Variants in PLEKHA4 observed in about 807,000 individuals in gnomAD.
PLEKHA4 encodes the protein pleckstrin homology domain-containing family A member 4.
PLEKHA4 carries 73 observed loss-of-function variants against 94.7 expected under a neutral mutation model. The observed-to-expected ratio is 0.77, with a 90% CI of 0.64 to 0.94. The LOEUF is 0.94. Ranked by LOEUF, PLEKHA4 falls within the 40% of genes least tolerant of loss-of-function variation. PLEKHA4 has a pLI of 0.00. For missense variants in PLEKHA4, 1,049 were observed against 1,054.1 expected, an observed-to-expected ratio of 1.00 and a Z score of 0.07; for synonymous variants, 449 against 437.1, an observed-to-expected ratio of 1.03 and a Z score of -0.34.
chr19:48,844,692 A>G, intron 16 of PLEKHA4: 1 of 967,820 alleles, frequency 1.0e-6, no homozygotes, highest in Non-Finnish European at 1.2e-6. Context: ...CAGAGCACAG[A>G]GCTTCCACAG....
chr19:48,840,210 C>T (rs940308724), intron 17 of PLEKHA4, among the ~76,000 whole-genome samples: 3 of 151,830 alleles, frequency 2.0e-5, no homozygotes, highest in Non-Finnish European at 4.4e-5. Context: ...AGCTCAGGAG[C>T]TCGACACCAG....
chr19:48,845,840 G>A (rs1020783072), intron 14 of PLEKHA4, among the ~76,000 whole-genome samples: 5 of 151,168 alleles, frequency 3.3e-5, no homozygotes, highest in East Asian at 3.9e-4. Flanking sequence ...GTGAAAACCC[G>A]TCTCTACTAA....
In PLEKHA4 at chr19:48,861,403, T is replaced by C. The variant is rs1274299063; in HGVS notation, c.364A>G (p.Thr122Ala). Reference sequence around the variant, plus strand: ...ACAACATGGATGGATGGACTCACGGTGAAGGTGAAGCGCCGCCCTCGGGGG... The same window carrying C: ...ACAACATGGATGGATGGACTCACGGCGAAGGTGAAGCGCCGCCCTCGGGGG... The part of the protein sequence containing the change: ...GAPRGRRFTF[T>A]AEHPGMRTYV... Residue 122 changes from threonine to alanine, a missense_variant and splice_region_variant, in exon 5 of 20, where the codon ACC (threonine) becomes GCC (alanine). Physicochemically the swap from Thr to Ala is moderately conservative, Grantham distance 58 (BLOSUM62 0). Coordinates refer to ENST00000263265, the MANE Select transcript of PLEKHA4 (RefSeq NM_020904.3). The C allele has an allele frequency of 1.2e-6, 2 of 1,612,662 alleles. No homozygotes were observed. The highest frequency in any genetic ancestry group is 3.3e-5 in the Admixed American group (2 of 60,004).
At chr19:48,843,085 T>C (rs1197936794) in intron 16 of PLEKHA4, among the ~76,000 whole-genome samples, 1 of 152,114 alleles carries the variant, frequency 6.6e-6, no homozygotes, top group Non-Finnish European at 1.5e-5. Flanking sequence ...AAAAAGTGCC[T>C]CTCCTCTCTT....
chr19:48,860,984 A>G (rs2036617734), intron 5 of PLEKHA4, among the ~76,000 whole-genome samples: 1 of 152,196 alleles, frequency 6.6e-6, no homozygotes, highest in African/African-American at 2.4e-5. Flanking sequence ...AGGTAGGCGG[A>G]TCACCTGAGG....
At chr19:48,840,565 A>G (rs2035722490) in intron 17 of PLEKHA4, among the ~76,000 whole-genome samples, 1 of 151,548 alleles carries the variant, frequency 6.6e-6, no homozygotes, top group Non-Finnish European at 1.5e-5. Context: ...AGCTGGGATT[A>G]CAGACATGTG....
In PLEKHA4 at chr19:48,845,574, C is replaced by T. The variant is rs144775663; in HGVS notation, c.1609G>A (p.Glu537Lys). 376 of 1,610,150 alleles carry T rather than the reference C, an allele frequency of 2.3e-4. No homozygotes were observed. The African/African-American group carries it at 4.1e-3, about 17-fold the overall frequency. ...SLELSSPRSP[E>K]TDWGRPPGGD... ...CCAGGAGGCCGCCCCCAGTCAGTCTCGGGGGACCTAGGGGAGCTCAGTTCC... is the reference window on the plus strand; with the variant it reads ...CCAGGAGGCCGCCCCCAGTCAGTCTTGGGGGACCTAGGGGAGCTCAGTTCC... Residue 537 changes from glutamate to lysine, a missense_variant, in exon 15 of 20, where the codon GAG becomes AAG. Physicochemically the swap from Glu to Lys is moderately conservative, Grantham distance 56. Coordinates refer to ENST00000263265, the MANE Select transcript of PLEKHA4 (RefSeq NM_020904.3).
At chr19:48,845,084 C>A in intron 16 of PLEKHA4, 3 of 287,616 alleles carry the variant, frequency 1.0e-5, no homozygotes, top group Non-Finnish European at 2.0e-5. Flanking sequence ...CCGCGCCTGG[C>A]CTCATTCATC....
Position 48,859,699 on chromosome 19 carries a change from T to C in PLEKHA4, c.477-15A>G. On this transcript the variant is annotated splice_polypyrimidine_tract_variant and intron_variant, in intron 6 of 19. Coordinates refer to ENST00000263265, the MANE Select transcript of PLEKHA4 (RefSeq NM_020904.3). ...TGGGTTGCCCACTAGCGAGTGGACA[T>C]AGACAAGATATCACTCCTTCGAACT... 6 of 1,604,508 alleles carry C rather than the reference T, an allele frequency of 3.7e-6. No homozygotes were observed. Among genetic ancestry groups the C allele is most frequent in the African/African-American group, 1.3e-5 (1 of 74,888 alleles).
chr19:48,848,305 T>C (rs1249210704), intron 13 of PLEKHA4, among the ~76,000 whole-genome samples: 1 of 143,500 alleles, frequency 7.0e-6, no homozygotes, highest in Admixed American at 7.1e-5. Flanking sequence ...GCTAAAACGG[T>C]GAAACCCCGT....
intron 6 of PLEKHA4, chr19:48,859,903 C>A: frequency 1.7e-6 from 1 of 602,642 alleles, no homozygotes; most frequent in Non-Finnish European, 2.9e-6. Flanking sequence ...CCCAATGCCC[C>A]GGAATATGGG....
intron 8 of PLEKHA4, 150 bp downstream of exon 8, chr19:48,858,710 G>A: frequency 1.2e-6 from 1 of 863,260 alleles, no homozygotes; most frequent in Non-Finnish European, 1.8e-6. Flanking sequence ...CACCTGATAG[G>A]TTCAAGCTCT....
At chr19:48,866,869 C>T (rs1039839596) in intron 2 of PLEKHA4, among the ~76,000 whole-genome samples, 4 of 152,222 alleles carry the variant, frequency 2.6e-5, no homozygotes, top group Non-Finnish European at 5.9e-5. Flanking sequence ...CAACCAAGTA[C>T]AAGGAGAGGA....
In PLEKHA4 at chr19:48,838,159, G is replaced by A. The variant is rs568236978; in HGVS notation, c.1965-30C>T. Reference sequence around the variant, plus strand: ...AAAAAAAAAGAAGATTGGGGGTGGGGGTGTGTACATGGGGGAGAGGTGGGG... The same window carrying A: ...AAAAAAAAAGAAGATTGGGGGTGGGAGTGTGTACATGGGGGAGAGGTGGGG... On this transcript the variant is annotated intron_variant, in intron 18 of 19. Coordinates refer to ENST00000263265, the MANE Select transcript of PLEKHA4 (RefSeq NM_020904.3). The A allele has an allele frequency of 7.1e-6, 10 of 1,409,048 alleles. No individual in the cohort carries two copies. The African/African-American group carries it at 1.1e-4, about 16-fold the overall frequency. The allele number at this position is 1,409,048 out of a possible 1,614,324, so 87.3% of individuals were successfully genotyped here. A position where few individuals can be genotyped will look rare whatever the true frequency, so the allele number is the denominator to read the frequency against.
intron 3 of PLEKHA4, 52 bp from the exon 4 acceptor site, chr19:48,861,744 G>C: frequency 6.7e-7 from 1 of 1,503,190 alleles, no homozygotes; most frequent in Non-Finnish European, 9.2e-7. Flanking sequence ...CAGAAAAAGG[G>C]GATGAAGGCA....
chr19:48,859,624 A>G lies in PLEKHA4; in HGVS notation c.537T>C (p.Gly179=). 2 of 1,612,698 alleles carry G rather than the reference A, an allele frequency of 1.2e-6. No homozygotes were observed. The highest frequency in any genetic ancestry group is 1.7e-6 in the Non-Finnish European group (2 of 1,179,888). ...QPGEGPGGPG[G]PPEVSRGEEG... ...CTTCCCCTCTGCTCACCTCCGGGGG[A>G]CCACCGGGGCCGCCGGGGCCCTCCC... Residue 179 remains glycine, a synonymous_variant, in exon 7 of 20, where the codon GGT becomes GGC. Coordinates refer to ENST00000263265, the MANE Select transcript of PLEKHA4 (RefSeq NM_020904.3).
chr19:48,839,148 C>T, intron 18 of PLEKHA4, 57 bp downstream of exon 18: 5 of 1,366,788 alleles, frequency 3.7e-6, no homozygotes, highest in Non-Finnish European at 5.1e-6. Flanking sequence ...TGCTACTCCC[C>T]TTTGCTTTTG....
intron 14 of PLEKHA4, among the ~76,000 whole-genome samples, chr19:48,846,439 G>C (rs1480380532): frequency 6.6e-6 from 1 of 151,814 alleles, no homozygotes; most frequent in Non-Finnish European, 1.5e-5. Flanking sequence ...GCAACAGAGA[G>C]AGACTCCATC....
In PLEKHA4 at chr19:48,854,054, G is replaced by A; in HGVS notation, c.1129C>T (p.Leu377Phe). The change falls in exon 11 of 20, where the codon CTT (leucine) becomes TTT (phenylalanine). Residue 377 changes from leucine (L) to phenylalanine (F), a missense_variant. Physicochemically the swap from Leu to Phe is conservative, Grantham distance 22. Transcript: ENST00000263265. ...ATCTCCTCCTGCAGCCTCCGCAGAAGCCGGTCCTGCCCGCACAACTTGGTC... is the reference window on the plus strand; with the variant it reads ...ATCTCCTCCTGCAGCCTCCGCAGAAACCGGTCCTGCCCGCACAACTTGGTC... ...LLTKLCGQDR[L>F]LRRLQEEIDQ... The A allele has an allele frequency of 1.9e-6, 3 of 1,614,190 alleles. No homozygotes were observed. The highest frequency in any genetic ancestry group is 2.5e-6 in the Non-Finnish European group (3 of 1,180,038).
Sources: gnomAD v4.1 joint callset for allele counts (sites outside exome capture counted in the v4.1 genomes callset) on GRCh38, gnomAD v4.1.1 for gene constraint, MANE v1.5 for transcripts, NCBI Gene and HGNC (gene_info 2026-07-23, HGNC 2026-07-21) for gene names.